Variants in RAB3C observed in about 807,000 individuals in gnomAD.
The protein encoded by RAB3C is ras-related protein Rab-3C.
Under a neutral mutation model 26.4 loss-of-function variants are expected in RAB3C, and 17 were observed. The observed-to-expected ratio is 0.64, with a 90% CI of 0.44 to 0.97. The LOEUF is 0.97. Ranked by LOEUF, RAB3C falls within the 50% of genes least tolerant of loss-of-function variation. The pLI is 0.00. For missense variants in RAB3C, 242 were observed against 281.9 expected (o/e 0.86, Z 1.01); for synonymous variants, 91 against 95.9 (o/e 0.95, Z 0.30).
intron 2 of RAB3C, among the ~76,000 whole-genome samples, chr5:58,700,883 G>A (rs1184185940): frequency 6.6e-6 from 1 of 152,106 alleles, no homozygotes; most frequent in Non-Finnish European, 1.5e-5. Flanking sequence ...AAATGCTATG[G>A]TAACATTGTC....
At chr5:58,682,377 G>C (rs908237365) in intron 2 of RAB3C, among the ~76,000 whole-genome samples, 1 of 152,112 alleles carries the variant, frequency 6.6e-6, no homozygotes, top group Non-Finnish European at 1.5e-5. Flanking sequence ...ACATTCTTGA[G>C]GCATTATTAC....
At chr5:58,598,815 G>A (rs1443145053) in intron 1 of RAB3C, among the ~76,000 whole-genome samples, 1 of 152,010 alleles carries the variant, frequency 6.6e-6, no homozygotes, top group East Asian at 1.9e-4. Context: ...GAAAGTGTTG[G>A]GTGTTAAAAC....
At chr5:58,755,465 C>G (rs141825191) in intron 3 of RAB3C, among the ~76,000 whole-genome samples, 2,206 of 152,266 alleles carry the variant, frequency 0.014, 41 homozygotes, top group African/African-American at 0.051. Flanking sequence ...CTGATAATCT[C>G]ATGTCTGAAT....
intron 3 of RAB3C, among the ~76,000 whole-genome samples, chr5:58,746,574 G>A (rs1037667345): frequency 6.6e-5 from 10 of 152,130 alleles, no homozygotes; most frequent in Admixed American, 5.2e-4. Context: ...ACTACACATC[G>A]ATGTGATTCG....
chr5:58,662,832 G>A (rs1292275734), intron 2 of RAB3C, among the ~76,000 whole-genome samples: 2 of 150,240 alleles, frequency 1.3e-5, no homozygotes, highest in African/African-American at 2.5e-5. Context: ...AACTCTTTTT[G>A]GATGATGGAT....
chr5:58,744,655 AG>A (rs1182173427), intron 3 of RAB3C, among the ~76,000 whole-genome samples: 1 of 152,236 alleles, frequency 6.6e-6, no homozygotes, highest in Non-Finnish European at 1.5e-5. Flanking sequence ...GAATTGGCAC[AG>A]GGGAATGGTC....
chr5:58,648,738 G>A (rs965101671), intron 2 of RAB3C, among the ~76,000 whole-genome samples: 3 of 152,100 alleles, frequency 2.0e-5, no homozygotes, highest in Non-Finnish European at 4.4e-5. Context: ...ATCAGAGCAA[G>A]CTATAAAAGA....
At chr5:58,610,273 G>T (rs1302176033) in intron 1 of RAB3C, among the ~76,000 whole-genome samples, 1 of 148,888 alleles carries the variant, frequency 6.7e-6, no homozygotes, top group African/African-American at 2.5e-5. Context: ...GGGATTGTTA[G>T]GTCATATGGT....
At chr5:58,717,661 C>G (rs559013948) in intron 2 of RAB3C, among the ~76,000 whole-genome samples, 6 of 152,242 alleles carry the variant, frequency 3.9e-5, no homozygotes, top group African/African-American at 1.4e-4. Flanking sequence ...GGAGACAGCT[C>G]TCTTGGAGAT....
chr5:58,829,603 G>T (rs930234079), intron 4 of RAB3C, among the ~76,000 whole-genome samples: 8 of 152,158 alleles, frequency 5.3e-5, no homozygotes, highest in Non-Finnish European at 1.0e-4. Context: ...CTGAGGAGAA[G>T]TCATTATTAA....
At chr5:58,665,504 T>C (rs1438318940) in intron 2 of RAB3C, among the ~76,000 whole-genome samples, 1 of 152,178 alleles carries the variant, frequency 6.6e-6, no homozygotes, top group East Asian at 1.9e-4. Context: ...TCTTGGGCTC[T>C]ACCAGGAAAC....
chr5:58,732,223 A>G (rs1279365424), intron 3 of RAB3C, among the ~76,000 whole-genome samples: 2 of 151,746 alleles, frequency 1.3e-5, no homozygotes, highest in East Asian at 1.9e-4. Flanking sequence ...TCAAACGGTT[A>G]TTGTGCTTGA....
chr5:58,600,505 A>G (rs111658787), intron 1 of RAB3C, among the ~76,000 whole-genome samples: 17 of 152,200 alleles, frequency 1.1e-4, no homozygotes, highest in African/African-American at 3.6e-4. Flanking sequence ...TGTGTCATCT[A>G]TGATTTCTTT....
chr5:58,621,014 C>T (rs1239546581), intron 2 of RAB3C, among the ~76,000 whole-genome samples: 1 of 152,128 alleles, frequency 6.6e-6, no homozygotes, highest in Non-Finnish European at 1.5e-5. Context: ...ACAACTCTCA[C>T]AAATCACTTA....
At position 58,758,963 on chromosome 5, in the gene RAB3C, G is replaced by C. The variant is rs545343819; in HGVS notation, c.371+32843G>C. Among the ~76,000 whole-genome samples, 5 of 152,144 alleles carry C rather than the reference G, an allele frequency of 3.3e-5. No homozygotes were observed. In the South Asian group the frequency reaches 6.2e-4, roughly 19 times the overall value. The stretch of plus-strand genomic sequence containing the variant: ...GCCACCTGCATGGATCCAGCCTTTA[G>C]ATTTGACATTTCCAAACCAGTGACC... On this transcript the variant is annotated intron_variant, in intron 3 of 4. Coordinates refer to ENST00000282878, the MANE Select transcript of RAB3C (RefSeq NM_138453.4).
chr5:58,691,823 G>A (rs997225429), intron 2 of RAB3C, among the ~76,000 whole-genome samples: 2 of 152,120 alleles, frequency 1.3e-5, no homozygotes, highest in African/African-American at 4.8e-5. Context: ...AAACACACCA[G>A]ATAAATCACA....
At chr5:58,672,071 T>C (rs534314981) in intron 2 of RAB3C, among the ~76,000 whole-genome samples, 55 of 152,344 alleles carry the variant, frequency 3.6e-4, no homozygotes, top group African/African-American at 1.3e-3. Context: ...AATATACTTT[T>C]AAGATGTCTC....
At chr5:58,585,744 G>T (rs1313371382) in intron 1 of RAB3C, among the ~76,000 whole-genome samples, 2 of 152,080 alleles carry the variant, frequency 1.3e-5, no homozygotes, top group African/African-American at 4.8e-5. Flanking sequence ...CCTATTTTAT[G>T]AAGAGTATTT....
chr5:58,844,778 G>T (rs1247061545), intron 4 of RAB3C, among the ~76,000 whole-genome samples: 1 of 152,110 alleles, frequency 6.6e-6, no homozygotes, highest in Non-Finnish European at 1.5e-5. Context: ...ATTGCAGTGT[G>T]ACTTTAGTGG....
Sources: allele counts gnomAD v4.1 joint callset (sites outside exome capture counted in the v4.1 genomes callset), GRCh38; gene constraint gnomAD v4.1.1; transcripts MANE v1.5; gene names NCBI Gene and HGNC (gene_info 2026-07-23, HGNC 2026-07-21).